Variants in RAP1A observed in about 807,000 individuals in gnomAD.
RAP1A encodes RAP1A, member of RAS oncogene family.
RAP1A carries 6 observed loss-of-function variants against 26.4 expected under a neutral mutation model. The ratio of observed to expected loss-of-function variants is 0.23; its 90% confidence interval spans 0.12 to 0.45. The LOEUF is 0.45. RAP1A is among the 20% of genes least tolerant of loss of function. RAP1A has a pLI of 0.99. For missense variants in RAP1A, 121 were observed against 217.2 expected (o/e 0.56, Z 2.78); for synonymous variants, 73 against 79.4 (o/e 0.92, Z 0.43).
intron 1 of RAP1A, among the ~76,000 whole-genome samples, chr1:111,679,395 C>T (rs1237152763): frequency 1.3e-5 from 2 of 152,210 alleles, no homozygotes; most frequent in Non-Finnish European, 2.9e-5. Context: ...TTGCAACCCG[C>T]AGACCAGGAG....
At chr1:111,697,730 G>A (rs1219611950) in intron 4 of RAP1A, among the ~76,000 whole-genome samples, 1 of 151,984 alleles carries the variant, frequency 6.6e-6, no homozygotes, top group Non-Finnish European at 1.5e-5. Flanking sequence ...CCTACATTGA[G>A]GTAAGGATTA....
chr1:111,590,796 T>G (rs1293717371), intron 1 of RAP1A, among the ~76,000 whole-genome samples: 1 of 152,194 alleles, frequency 6.6e-6, no homozygotes, highest in East Asian at 1.9e-4. Flanking sequence ...CATTGCTAGA[T>G]TTAATTTTCT....
chr1:111,620,924 C>A (rs500184), intron 1 of RAP1A, among the ~76,000 whole-genome samples: 88,974 of 151,886 alleles, frequency 0.59, 26,184 homozygotes, highest in Middle Eastern at 0.66. Context: ...GGGCTGAGAA[C>A]CAGAGTTTAG....
intron 1 of RAP1A, among the ~76,000 whole-genome samples, chr1:111,659,198 A>G (rs1271063406): frequency 6.6e-6 from 1 of 152,208 alleles, no homozygotes; most frequent in Non-Finnish European, 1.5e-5. Flanking sequence ...ATATAGTACC[A>G]AACCTTATAT....
intron 1 of RAP1A, among the ~76,000 whole-genome samples, chr1:111,658,442 CT>C (rs1472183797): frequency 6.6e-6 from 1 of 152,084 alleles, no homozygotes; most frequent in Non-Finnish European, 1.5e-5. Context: ...TGTAATAACA[CT>C]TAGCTTAAAA....
At chr1:111,674,830 C>T (rs925948457) in intron 1 of RAP1A, among the ~76,000 whole-genome samples, 4 of 152,134 alleles carry the variant, frequency 2.6e-5, no homozygotes, top group East Asian at 1.9e-4. Flanking sequence ...TGTACAGGCC[C>T]GTGTCATCTC....
rs532395266 is a variant in RAP1A at position 111,706,508 on chromosome 1, C to T, written c.468+2022C>T. Among the ~76,000 whole-genome samples, 8 of 152,144 alleles carry T rather than the reference C, an allele frequency of 5.3e-5. No homozygotes were observed. The East Asian group carries it at 9.6e-4, about 18-fold the overall frequency. ...AACTCTTATTCACACCACTTTGCAA[C>T]GTTCTTAAAGTAGTATATGGCTATG... On this transcript the variant is annotated intron_variant, in intron 6 of 7. Coordinates refer to ENST00000369709, the MANE Select transcript of RAP1A (RefSeq NM_002884.4).
At chr1:111,688,476 C>T (rs368058554) in intron 1 of RAP1A, among the ~76,000 whole-genome samples, 3 of 151,796 alleles carry the variant, frequency 2.0e-5, no homozygotes, top group Admixed American at 6.6e-5. Flanking sequence ...CACACCACCA[C>T]GCCCAGCTAA....
intron 1 of RAP1A, among the ~76,000 whole-genome samples, chr1:111,651,996 C>T (rs572050596): frequency 4.0e-5 from 6 of 151,308 alleles, no homozygotes; most frequent in East Asian, 1.9e-4. Context: ...TTTTTTGAGA[C>T]GGAGTCTCGC....
chr1:111,700,908 T>A (rs957202063), intron 4 of RAP1A, among the ~76,000 whole-genome samples: 1 of 152,168 alleles, frequency 6.6e-6, no homozygotes, highest in African/African-American at 2.4e-5. Flanking sequence ...CTACCACCAC[T>A]AGAATCTAAT....
chr1:111,704,765 A>G (rs1662133735), intron 6 of RAP1A, among the ~76,000 whole-genome samples: 1 of 152,256 alleles, frequency 6.6e-6, no homozygotes, highest in African/African-American at 2.4e-5. Context: ...ATATGCGATA[A>G]AGTGGTGTGT....
intron 1 of RAP1A, among the ~76,000 whole-genome samples, chr1:111,629,229 A>G (rs1245837935): frequency 3.3e-5 from 5 of 152,196 alleles, no homozygotes; most frequent in Admixed American, 2.0e-4. Flanking sequence ...TATGATGTTT[A>G]GAAAAACATT....
intron 1 of RAP1A, among the ~76,000 whole-genome samples, chr1:111,663,789 C>T (rs1041115290): frequency 2.6e-5 from 4 of 152,022 alleles, no homozygotes; most frequent in African/African-American, 9.7e-5. Context: ...GTTCTGAGCA[C>T]TAGGAATGGC....
At chr1:111,621,723 A>G (rs1022121322) in intron 1 of RAP1A, among the ~76,000 whole-genome samples, 1 of 152,242 alleles carries the variant, frequency 6.6e-6, no homozygotes, top group Non-Finnish European at 1.5e-5. Flanking sequence ...CTCTCTCCCC[A>G]GAATAAAGTT....
chr1:111,617,289 A>C (rs959689225), upstream of RAP1A, among the ~76,000 whole-genome samples: 1 of 151,872 alleles, frequency 6.6e-6, no homozygotes. Context: ...GCACCCAGAC[A>C]CTCTACCTTC....
intron 2 of RAP1A, among the ~76,000 whole-genome samples, chr1:111,693,367 G>T (rs1158441215): frequency 6.6e-6 from 1 of 151,998 alleles, no homozygotes; most frequent in Non-Finnish European, 1.5e-5. Context: ...GTTAAGGGAG[G>T]TTTTTGTTTT....
chr1:111,708,639 A>G (rs1662274949), intron 6 of RAP1A, among the ~76,000 whole-genome samples: 1 of 152,230 alleles, frequency 6.6e-6, no homozygotes, highest in South Asian at 2.1e-4. Flanking sequence ...GTCAATCCTT[A>G]AATGTCTCAA....
intron 1 of RAP1A, among the ~76,000 whole-genome samples, chr1:111,559,779 C>G (rs994308134): frequency 6.6e-6 from 1 of 152,108 alleles, no homozygotes; most frequent in Non-Finnish European, 1.5e-5. Flanking sequence ...GGCTAAAAGC[C>G]ATAACATGAG....
chr1:111,635,180 G>A (rs1288438312), intron 1 of RAP1A, among the ~76,000 whole-genome samples: 1 of 152,172 alleles, frequency 6.6e-6, no homozygotes, highest in Admixed American at 6.5e-5. Context: ...GGGGATGGGA[G>A]AAATAGGAAA....
Sources: allele counts gnomAD v4.1 joint callset (sites outside exome capture counted in the v4.1 genomes callset), GRCh38; gene constraint gnomAD v4.1.1; transcripts MANE v1.5; gene names NCBI Gene and HGNC (gene_info 2026-07-23, HGNC 2026-07-21).